SSH2: variants seen among roughly 807,000 people sequenced by gnomAD.
The protein encoded by SSH2 is protein phosphatase Slingshot homolog 2.
SSH2 carries 37 observed loss-of-function variants against 135.2 expected under a neutral mutation model. That is an observed-to-expected ratio of 0.27 (90% CI 0.21 to 0.36). The LOEUF (loss-of-function observed/expected upper bound fraction) is 0.36. SSH2 is among the 10% of genes least tolerant of loss of function. SSH2 has a pLI of 1.00. For synonymous variants in SSH2, 628 were observed against 646.2 expected (o/e 0.97, Z 0.43); for missense variants, 1,408 against 1,765.3 (o/e 0.80, Z 3.63).
chr17:29,656,254 G>A (rs113955002), intron 11 of SSH2, among the ~76,000 whole-genome samples: 12 of 152,166 alleles, frequency 7.9e-5, no homozygotes, highest in African/African-American at 2.9e-4. Flanking sequence ...TCGGTTCACT[G>A]CAACCTCTGC....
chr17:29,635,120 T>G (rs867968452), intron 15 of SSH2, among the ~76,000 whole-genome samples: 9 of 151,936 alleles, frequency 5.9e-5, no homozygotes, highest in South Asian at 2.1e-4. Context: ...GTCAGTCTGG[T>G]CTCGAACTCC....
At chr17:29,715,056 G>A (rs896356499) in intron 3 of SSH2, among the ~76,000 whole-genome samples, 2 of 151,716 alleles carry the variant, frequency 1.3e-5, no homozygotes, top group South Asian at 4.2e-4. Flanking sequence ...TAGTAGAGAC[G>A]GGGTTTCACC....
chr17:29,643,442 C>A (rs1411057933), intron 14 of SSH2: 1 of 184,588 alleles, frequency 5.4e-6, no homozygotes, highest in South Asian at 1.8e-4. Flanking sequence ...CACGGAGTCT[C>A]GCTCTGTCAC....
intron 6 of SSH2, among the ~76,000 whole-genome samples, chr17:29,680,767 A>C (rs575556950): frequency 6.6e-6 from 1 of 152,134 alleles, no homozygotes; most frequent in African/African-American, 2.4e-5. Context: ...CGGCTTCCCA[A>C]GATGAAGTGG....
intron 1 of SSH2, among the ~76,000 whole-genome samples, chr17:29,920,596 T>C (rs1047145873): frequency 6.6e-6 from 1 of 152,174 alleles, no homozygotes; most frequent in Non-Finnish European, 1.5e-5. Context: ...CTGTTTCATA[T>C]AATGAACTAA....
At chr17:29,817,170 C>T (rs2042573282) in intron 2 of SSH2, among the ~76,000 whole-genome samples, 1 of 152,150 alleles carries the variant, frequency 6.6e-6, no homozygotes, top group South Asian at 2.1e-4. Flanking sequence ...CTAAAGCTAC[C>T]TCAAAAGCTG....
At chr17:29,697,562 C>T (rs1057463408) in intron 4 of SSH2, among the ~76,000 whole-genome samples, 15 of 151,806 alleles carry the variant, frequency 9.9e-5, no homozygotes, top group East Asian at 9.8e-4. Context: ...GAGGCTGAAG[C>T]GGGGGAGTGC....
At chr17:29,889,489 G>C (rs1211530259) in intron 1 of SSH2, among the ~76,000 whole-genome samples, 1 of 151,740 alleles carries the variant, frequency 6.6e-6, no homozygotes, top group Non-Finnish European at 1.5e-5. Flanking sequence ...AGAAAACATA[G>C]GGGTAAATCT....
chr17:29,631,347 G>A lies in SSH2; in HGVS notation c.3847C>T (p.Arg1283Cys), dbSNP rs137889063. Reference sequence around the variant, plus strand: ...CCTAATTTGGCGAGAGAAGCTGAGCGCCTCATTTGGGATGGTTTGGTGAGC... The same window carrying A: ...CCTAATTTGGCGAGAGAAGCTGAGCACCTCATTTGGGATGGTTTGGTGAGC... Reference protein sequence around the residue: ...AGLTKPSQMRRSASLAKLGYL... With the variant: ...AGLTKPSQMRCSASLAKLGYL... The change falls in exon 16 of 16, where the codon CGC (arginine) becomes TGC (cysteine). Residue 1283 changes from arginine (R) to cysteine (C), a missense_variant. Physicochemically the swap from Arg to Cys is radical, Grantham distance 180. This residue lies in a region of SSH2 where 1,080 missense variants were observed against 1,144.5 expected (regional missense o/e 0.94). Transcript: ENST00000540801. 6.2e-5 allele frequency: 100 copies of A among 1,614,134 alleles called. No homozygotes were observed. In the South Asian group the frequency reaches 9.9e-4, roughly 16 times the overall value.
chr17:29,753,579 G>A (rs1390684670), intron 3 of SSH2, among the ~76,000 whole-genome samples: 1 of 151,318 alleles, frequency 6.6e-6, no homozygotes, highest in African/African-American at 2.4e-5. Flanking sequence ...GGTGGATCAC[G>A]AGGTCAGGGG....
intron 1 of SSH2, among the ~76,000 whole-genome samples, chr17:29,923,388 G>A (rs564229895): frequency 2.5e-4 from 38 of 152,248 alleles, no homozygotes; most frequent in African/African-American, 8.9e-4. Context: ...GGAGGCTGTC[G>A]TGAGAGGATT....
intron 1 of SSH2, among the ~76,000 whole-genome samples, chr17:29,914,225 A>G (rs1359107309): frequency 1.3e-5 from 2 of 152,130 alleles, no homozygotes; most frequent in Non-Finnish European, 2.9e-5. Context: ...GACTTTCACT[A>G]CAAGCAGTTT....
intron 3 of SSH2, among the ~76,000 whole-genome samples, chr17:29,740,448 CTT>C (rs34076256): frequency 2.7e-3 from 393 of 147,782 alleles, no homozygotes; most frequent in Non-Finnish European, 4.5e-3. Context: ...TTATTACCCT[CTT>C]TTTTTTTTTT....
intron 3 of SSH2, among the ~76,000 whole-genome samples, chr17:29,727,191 G>C (rs2040030905): frequency 6.6e-6 from 1 of 152,184 alleles, no homozygotes; most frequent in Non-Finnish European, 1.5e-5. Flanking sequence ...ATGCAGATAA[G>C]TTCTGAAACT....
In SSH2 at chr17:29,672,084, C is replaced by T. The variant is rs753403781; in HGVS notation, c.660G>A (p.Ala220=). ...ATAGGCTGCCTGGGTAGTAGTTATG[C>T]GCTCTGGCGACTTCACAAGCCTTGT... is the stretch of plus-strand genomic sequence containing the variant. ...SLHKACEVAR[A]HNYYPGSLFL... is the part of the protein sequence containing the mutation. The change falls in exon 9 of 16, where the codon GCG becomes GCA. Residue 220 remains alanine, a synonymous_variant. Coordinates refer to ENST00000540801, the MANE Select transcript of SSH2 (RefSeq NM_001282129.2). 59 of 1,613,966 alleles carry T rather than the reference C, an allele frequency of 3.7e-5. No homozygotes were observed. Among genetic ancestry groups the T allele is most frequent in the Non-Finnish European group, 4.0e-5 (47 of 1,180,002 alleles).
Position 29,632,357 on chromosome 17 carries a change from G to T in SSH2, c.2837C>A (p.Pro946Gln), listed in dbSNP as rs376316249. 3 of 1,613,900 alleles carry T rather than the reference G, an allele frequency of 1.9e-6. No homozygotes were observed. Among genetic ancestry groups the T allele is most frequent in the Middle Eastern group, 1.6e-4 (1 of 6,062 alleles). ...TTCCTTGAGGACAAATGAATGTTCT[G>T]GGGGGGCTTCATCACTTTTCCCTTT... ...APKGKSDEAP[P>Q]EHSFVLKEPE... The change falls in exon 16 of 16, where the codon CCA becomes CAA. Residue 946 changes from proline to glutamine, a missense_variant. Physicochemically the swap from Pro to Gln is moderately conservative, Grantham distance 76 (BLOSUM62 -1). Around this residue, in one of 3 missense-constraint regions of SSH2, gnomAD observed 1,080 missense variants for 1,144.5 expected, o/e 0.94. Coordinates refer to ENST00000540801, the MANE Select transcript of SSH2 (RefSeq NM_001282129.2).
At chr17:29,911,784 G>T (rs764678549) in intron 1 of SSH2, among the ~76,000 whole-genome samples, 4 of 152,194 alleles carry the variant, frequency 2.6e-5, no homozygotes, top group Non-Finnish European at 5.9e-5. Context: ...AGAATCAGTA[G>T]TAGAGTAATG....
At chr17:29,864,329 A>AAATAAATC (rs2065816767) in intron 1 of SSH2, 1 of 151,130 alleles carries the variant, frequency 6.6e-6, no homozygotes, top group African/African-American at 2.4e-5. Context: ...ATAAATAAAT[A>AAATAAATC]AATAAATAGA....
At position 29,836,716 on chromosome 17, in the gene SSH2, G is replaced by A. The variant is rs150315245; in HGVS notation, c.144+12133C>T. Among the ~76,000 whole-genome samples, 13 of 152,310 alleles carry A rather than the reference G, an allele frequency of 8.5e-5. No homozygotes were observed. In the East Asian group the frequency reaches 1.9e-3, roughly 23 times the overall value. On this transcript the variant is annotated intron_variant, in intron 2 of 15. Transcript: ENST00000540801. ...AACTCTACTTTTCTAATTATAAAGT[G>A]AGAGGAAAAATTACTACCGCTTTTC...
Sources: gnomAD v4.1 joint callset for allele counts (sites outside exome capture counted in the v4.1 genomes callset) on GRCh38, gnomAD v4.1.1 for gene constraint, gnomAD v4.1.1 regional missense constraint, MANE v1.5 for transcripts, NCBI Gene and HGNC (gene_info 2026-07-23, HGNC 2026-07-21) for gene names.